Variants in NAALADL2 observed in about 807,000 individuals in gnomAD.
NAALADL2 encodes N-acetylated alpha-linked acidic dipeptidase like 2, also known as inactive N-acetylated-alpha-linked acidic dipeptidase-like protein 2.
NAALADL2 carries 76 observed loss-of-function variants against 87.2 expected under a neutral mutation model. The ratio of observed to expected loss-of-function variants is 0.87; its 90% CI spans 0.72 to 1.05. NAALADL2 has a LOEUF of 1.05. Ranked by LOEUF, NAALADL2 falls within the 50% of genes least tolerant of loss-of-function variation. NAALADL2 has a pLI of 0.00. For synonymous variants in NAALADL2, 354 were observed against 331.0 expected (o/e 1.07, Z -0.75); for missense variants, 1,089 against 945.8 (o/e 1.15, Z -1.99).
At chr3:174,761,678 C>T (rs1356855088) in intron 3 of NAALADL2, among the ~76,000 whole-genome samples, 2 of 151,978 alleles carry the variant, frequency 1.3e-5, no homozygotes, top group Non-Finnish European at 2.9e-5. Flanking sequence ...AGGTTTGTTA[C>T]ATATGTATAC....
intron 2 of NAALADL2, among the ~76,000 whole-genome samples, chr3:174,710,350 G>T (rs550944197): frequency 1.1e-4 from 16 of 151,448 alleles, no homozygotes; most frequent in Non-Finnish European, 2.1e-4. Flanking sequence ...TGCCTCCCAG[G>T]TTCATGCCAT....
chr3:175,742,522 C>T (rs1019573739), intron 12 of NAALADL2, among the ~76,000 whole-genome samples: 4 of 148,900 alleles, frequency 2.7e-5, no homozygotes, highest in East Asian at 3.9e-4. Flanking sequence ...CTCAGCCTCC[C>T]GAGTAGCTGG....
At chr3:174,913,462 GTGTC>G (rs1733969838) in intron 1 of NAALADL2, among the ~76,000 whole-genome samples, 1 of 152,078 alleles carries the variant, frequency 6.6e-6, no homozygotes, top group Admixed American at 6.6e-5. Context: ...TTGTGCCTGA[GTGTC>G]TGATTAATGA....
chr3:175,037,547 C>T (rs564800398), intron 1 of NAALADL2, among the ~76,000 whole-genome samples: 2 of 152,070 alleles, frequency 1.3e-5, no homozygotes, highest in Non-Finnish European at 2.9e-5. Context: ...CCTACATGGC[C>T]TCTGTGAAGA....
chr3:174,449,612 ATC>A (rs1715330404), intron 1 of NAALADL2, among the ~76,000 whole-genome samples: 1 of 152,186 alleles, frequency 6.6e-6, no homozygotes, highest in Non-Finnish European at 1.5e-5. Context: ...GTGTACATGC[ATC>A]TTAGTTTTAA....
chr3:175,554,880 C>T (rs1033034618), intron 9 of NAALADL2, among the ~76,000 whole-genome samples: 16 of 152,094 alleles, frequency 1.1e-4, no homozygotes, highest in African/African-American at 3.9e-4. Flanking sequence ...TTGCTATTTA[C>T]CTTATTCTAA....
In NAALADL2 at chr3:175,803,171, G is replaced by A. The variant is rs771283341; in HGVS notation, c.2356G>A (p.Val786Met). ...AQVYFKAGLD[V>M]FKSVLDGKN is the part of the protein sequence containing the mutation. Reference sequence around the variant, plus strand: ...GGTTTACTTCAAAGCAGGACTTGATGTGTTCAAGAGTGTCTTGGATGGGAA... The same window carrying A: ...GGTTTACTTCAAAGCAGGACTTGATATGTTCAAGAGTGTCTTGGATGGGAA... The change falls in exon 14 of 14, where the codon GTG becomes ATG. Residue 786 changes from valine to methionine, a missense_variant. Transcript: ENST00000454872. 18 of 1,609,696 alleles carry A rather than the reference G, an allele frequency of 1.1e-5. No homozygotes were observed. Among genetic ancestry groups the A allele is most frequent in the Non-Finnish European group, 1.5e-5 (18 of 1,177,856 alleles).
At chr3:174,548,130 A>C (rs1372528779) in intron 1 of NAALADL2, among the ~76,000 whole-genome samples, 1 of 152,212 alleles carries the variant, frequency 6.6e-6, no homozygotes, top group Admixed American at 6.5e-5. Context: ...AGATGTTAAA[A>C]CCACATTTAG....
intron 11 of NAALADL2, among the ~76,000 whole-genome samples, chr3:175,679,392 T>A (rs1444235668): frequency 1.3e-5 from 2 of 152,168 alleles, no homozygotes; most frequent in African/African-American, 4.8e-5. Context: ...AAAGTAGTGA[T>A]ATTTGATATA....
chr3:174,640,253 T>G (rs1163410321), intron 2 of NAALADL2, among the ~76,000 whole-genome samples: 1 of 152,212 alleles, frequency 6.6e-6, no homozygotes, highest in Non-Finnish European at 1.5e-5. Context: ...AAATGTTTGC[T>G]GCAGGGAAGC....
At chr3:174,941,988 T>G (rs1738677294) in intron 1 of NAALADL2, among the ~76,000 whole-genome samples, 1 of 152,142 alleles carries the variant, frequency 6.6e-6, no homozygotes, top group Non-Finnish European at 1.5e-5. Context: ...TGGGAGCATT[T>G]AGCTCATTTA....
intron 2 of NAALADL2, among the ~76,000 whole-genome samples, chr3:175,148,522 A>G (rs1000566985): frequency 1.3e-5 from 2 of 152,090 alleles, no homozygotes; most frequent in Admixed American, 1.3e-4. Flanking sequence ...CCCAACGCCC[A>G]AGTCCACAGT....
In NAALADL2 at chr3:175,760,097, C is replaced by T. The variant is rs548639862; in HGVS notation, c.2189+4679C>T. On this transcript the variant is annotated intron_variant, in intron 13 of 13. Coordinates refer to ENST00000454872, the MANE Select transcript of NAALADL2 (RefSeq NM_207015.3). ...GGTGTCAGGAATGAAGAGCAAAGGACCAATTTAGGACGTGATATTTAGGAA... is the reference window on the plus strand; with the variant it reads ...GGTGTCAGGAATGAAGAGCAAAGGATCAATTTAGGACGTGATATTTAGGAA... 2.6e-5 allele frequency among the ~76,000 whole-genome samples: 4 copies of T among 152,034 alleles called. No individual in the cohort carries two copies. The East Asian group carries it at 7.8e-4, about 30-fold the overall frequency.
Position 175,806,638 on chromosome 3 carries a change from T to TTG in NAALADL2, c.*3438_*3439dup, listed in dbSNP as rs1306677776. The TTG allele has an allele frequency of 6.6e-6, 1 of 151,450 alleles. No homozygotes were observed. Among genetic ancestry groups the TTG allele is most frequent in the Non-Finnish European group, 1.5e-5 (1 of 67,752 alleles). The allele number at this position is 151,450 out of a possible 1,614,324, so 9.4% of individuals were successfully genotyped here. The stretch of plus-strand genomic sequence containing the variant: ...AAAACAATTCAGTTGCAGCTTATAT[T>TTG]TGTGCCTGCTACATCCCAGGCACTG... On this transcript the variant is annotated 3_prime_UTR_variant, in exon 14 of 14. Coordinates refer to ENST00000454872, the MANE Select transcript of NAALADL2 (RefSeq NM_207015.3).
rs536252830 is a variant in NAALADL2 at position 175,186,041 on chromosome 3, T to C, written c.546-47890T>C. On this transcript the variant is annotated intron_variant, in intron 2 of 13. Transcript: ENST00000454872. Reference sequence around the variant, plus strand: ...TCCTAGTAACCTAACTTTGTATTTCTTCCAACCTAATTGCTTAACAGCTGG... The same window carrying C: ...TCCTAGTAACCTAACTTTGTATTTCCTCCAACCTAATTGCTTAACAGCTGG... Among the ~76,000 whole-genome samples, 230 of 152,184 alleles carry C rather than the reference T, an allele frequency of 1.5e-3. 3 individuals are homozygous for C. The highest frequency in any genetic ancestry group is 4.9e-3 in the African/African-American group (202 of 41,558).
chr3:175,298,620 T>C (rs1435053672), intron 4 of NAALADL2, among the ~76,000 whole-genome samples: 1 of 152,148 alleles, frequency 6.6e-6, no homozygotes, highest in East Asian at 1.9e-4. Flanking sequence ...CCAGTTCTGC[T>C]GGAACACTCT....
intron 9 of NAALADL2, among the ~76,000 whole-genome samples, chr3:175,496,221 G>C (rs774991636): frequency 3.9e-5 from 6 of 152,092 alleles, no homozygotes; most frequent in Non-Finnish European, 7.4e-5. Flanking sequence ...GTTTGTCTGA[G>C]ATTACAGGTT....
At chr3:175,791,671 C>T (rs1164185809) in intron 13 of NAALADL2, among the ~76,000 whole-genome samples, 1 of 152,070 alleles carries the variant, frequency 6.6e-6, no homozygotes, top group African/African-American at 2.4e-5. Flanking sequence ...TGGAAATATC[C>T]TTATACCTAG....
intron 1 of NAALADL2, among the ~76,000 whole-genome samples, chr3:174,886,054 C>A (rs1272302633): frequency 2.0e-5 from 3 of 151,564 alleles, no homozygotes; most frequent in Admixed American, 2.0e-4. Flanking sequence ...GCTGGGACTA[C>A]AGGCACCTGC....
Sources: allele counts gnomAD v4.1 joint callset (sites outside exome capture counted in the v4.1 genomes callset), GRCh38; gene constraint gnomAD v4.1.1; transcripts MANE v1.5; gene names NCBI Gene and HGNC (gene_info 2026-07-23, HGNC 2026-07-21).